Variants in USP50 observed in about 807,000 individuals in gnomAD.
USP50 encodes the protein ubiquitin specific peptidase 50.
In USP50, 37 loss-of-function variants were observed where a neutral mutation model predicts 39.2. The observed-to-expected ratio is 0.94, with a 90% confidence interval of 0.73 to 1.24. USP50 has a LOEUF of 1.24. Among genes scored for constraint, USP50 ranks in the 50% most tolerant of loss-of-function variants. USP50 has a pLI of 0.00. For missense variants in USP50, 374 were observed against 398.2 expected, an observed-to-expected ratio of 0.94 and a Z score of 0.52; for synonymous variants, 139 against 144.5, an observed-to-expected ratio of 0.96 and a Z score of 0.27.
chr15:50,536,810 G>C (rs1275853534), intron 5 of USP50, among the ~76,000 whole-genome samples: 1 of 152,102 alleles, frequency 6.6e-6, no homozygotes, highest in Non-Finnish European at 1.5e-5. Context: ...AACCTAAATA[G>C]AGAGATATAT....
intron 6 of USP50, among the ~76,000 whole-genome samples, chr15:50,526,665 A>G (rs2052900786): frequency 1.3e-5 from 2 of 152,354 alleles, no homozygotes; most frequent in Middle Eastern, 3.4e-3. Flanking sequence ...GGAAGACACT[A>G]CAAGGAGGCA....
In USP50 at chr15:50,543,705, A is replaced by G. The variant is rs571475266; in HGVS notation, c.337T>C (p.Trp113Arg). Residue 113 changes from tryptophan to arginine, a missense_variant, in exon 3 of 7, where the codon TGG becomes CGG. Coordinates refer to ENST00000532404, the MANE Select transcript of USP50 (RefSeq NM_203494.5). ...DSDCVSPEIF[W>R]SALGNLYPAF... Reference sequence around the variant, plus strand: ...GGGTAGAGGTTGCCAAGAGCTGACCAGAATATTTCTGGTGAGACACAGTCT... The same window carrying G: ...GGGTAGAGGTTGCCAAGAGCTGACCGGAATATTTCTGGTGAGACACAGTCT... 2.3e-5 allele frequency: 37 copies of G among 1,612,528 alleles called. No homozygotes were observed. The highest frequency in any genetic ancestry group is 1.7e-6 in the Non-Finnish European group (2 of 1,179,202).
chr15:50,497,090 A>T, downstream of USP50: 1 of 1,588,114 alleles, frequency 6.3e-7, no homozygotes, highest in Admixed American at 1.9e-5. Context: ...TTCTGCCAGG[A>T]TTGCCTTAGA....
In USP50 at chr15:50,525,622, G is replaced by A. The variant is rs71394996; in HGVS notation, c.936+4175C>T. On this transcript the variant is annotated intron_variant, in intron 6 of 6. Transcript: ENST00000532404. Reference sequence around the variant, plus strand: ...TATGTATATGTATATATGTATATATGTATATGTATATATGTATATGTGTAT... The same window carrying A: ...TATGTATATGTATATATGTATATATATATATGTATATATGTATATGTGTAT... 7.7e-5 allele frequency among the ~76,000 whole-genome samples: 10 copies of A among 130,464 alleles called. No homozygotes were observed. In the East Asian group the frequency reaches 8.3e-4, roughly 11 times the overall value. 85.6% of individuals were successfully genotyped at this position (130,464 alleles called of 152,430 possible).
At chr15:50,532,248 A>G (rs1244256238) in intron 5 of USP50, 2 of 456,132 alleles carry the variant, frequency 4.4e-6, no homozygotes, top group Non-Finnish European at 8.8e-6. Flanking sequence ...GAAGGGAAAG[A>G]AACCATTCTG....
At chr15:50,503,357 G>T (rs898163258) in intron 6 of USP50, 4 of 152,272 alleles carry the variant, frequency 2.6e-5, no homozygotes, top group Non-Finnish European at 5.9e-5. Flanking sequence ...CAACAGTATG[G>T]TGTGTGGTTT....
chr15:50,546,573 T>C lies in USP50; in HGVS notation c.-48A>G, dbSNP rs1484346101. Reference sequence around the variant, plus strand: ...TTTGCTTCTATTCAGGAGCTACATCTATTCCTTTCAACTTCATTTCTCTGA... The same window carrying C: ...TTTGCTTCTATTCAGGAGCTACATCCATTCCTTTCAACTTCATTTCTCTGA... On this transcript the variant is annotated 5_prime_UTR_variant, in exon 1 of 7. The change creates a new upstream start codon in the 5' untranslated region. Coordinates refer to ENST00000532404, the MANE Select transcript of USP50 (RefSeq NM_203494.5). The C allele has an allele frequency of 6.2e-7, 1 of 1,602,246 alleles. No homozygotes were observed. Among genetic ancestry groups the C allele is most frequent in the Non-Finnish European group, 8.6e-7 (1 of 1,169,538 alleles).
At chr15:50,511,090 T>C (rs1256181895) in intron 6 of USP50, 2 of 152,228 alleles carry the variant, frequency 1.3e-5, no homozygotes, top group African/African-American at 2.4e-5. Flanking sequence ...TGTACACCAA[T>C]GTTCTCTGTA....
chr15:50,513,016 C>G (rs1358936388), intron 6 of USP50: 1 of 152,004 alleles, frequency 6.6e-6, no homozygotes, highest in African/African-American at 2.4e-5. Context: ...AGAAAAATAA[C>G]CCAGTTTGTA....
chr15:50,496,412 C>T (rs556632609), downstream of USP50, among the ~76,000 whole-genome samples: 15 of 144,688 alleles, frequency 1.0e-4, no homozygotes, highest in Admixed American at 6.5e-4. Flanking sequence ...ACCCTGGAGG[C>T]GGAGTTTACA....
At chr15:50,538,610 TG>T in intron 5 of USP50, 98 bp downstream of exon 5, 1 of 1,240,668 alleles carries the variant, frequency 8.1e-7, no homozygotes, top group Non-Finnish European at 1.1e-6. Flanking sequence ...CAAATATCAT[TG>T]AATTGTATAC....
intron 6 of USP50, among the ~76,000 whole-genome samples, chr15:50,514,600 C>T (rs1002472168): frequency 1.4e-4 from 21 of 152,078 alleles, no homozygotes; most frequent in African/African-American, 3.6e-4. Context: ...GGCGCGATCT[C>T]GGCTCACTGC....
At chr15:50,493,999 A>G (rs1023288006), downstream of USP50, 5 of 1,533,398 alleles carry the variant, frequency 3.3e-6, 1 homozygote, top group African/African-American at 6.9e-5. Flanking sequence ...GTTGACATCA[A>G]GAATCTACTG....
chr15:50,528,961 A>G (rs2052919045), intron 6 of USP50, among the ~76,000 whole-genome samples: 1 of 152,150 alleles, frequency 6.6e-6, no homozygotes, highest in South Asian at 2.1e-4. Flanking sequence ...GATCGTTAAC[A>G]CCGTGATCCA....
At position 50,546,553 on chromosome 15, in the gene USP50, T is replaced by C; in HGVS notation, c.-28A>G. ...TAATGGAACCACGTTGGACTTTTGCTTCTATTCAGGAGCTACATCTATTCC... is the reference window on the plus strand; with the variant it reads ...TAATGGAACCACGTTGGACTTTTGCCTCTATTCAGGAGCTACATCTATTCC... On this transcript the variant is annotated 5_prime_UTR_variant, in exon 1 of 7. Coordinates refer to ENST00000532404, the MANE Select transcript of USP50 (RefSeq NM_203494.5). 1 of 1,612,866 alleles carries C rather than the reference T, an allele frequency of 6.2e-7. No individual in the cohort carries two copies. The highest frequency in any genetic ancestry group is 1.1e-5 in the South Asian group (1 of 91,064).
chr15:50,524,947 T>C (rs1256946832), intron 6 of USP50, among the ~76,000 whole-genome samples: 1 of 151,850 alleles, frequency 6.6e-6, no homozygotes, highest in Non-Finnish European at 1.5e-5. Context: ...TCCAAAGGAA[T>C]GGAAATCAAT....
Position 50,500,771 on chromosome 15 carries a change from A to C in USP50, c.1003T>G (p.Ter335GlyextTer38). The C allele has an allele frequency of 6.3e-7, 1 of 1,586,764 alleles. No homozygotes were observed. The highest frequency in any genetic ancestry group is 8.6e-7 in the Non-Finnish European group (1 of 1,165,740). The change falls in exon 7 of 7, where the codon TGA becomes GGA. Residue 335 changes from the stop codon to glycine, a stop_lost. Coordinates refer to ENST00000532404, the MANE Select transcript of USP50 (RefSeq NM_203494.5). ...ACTCGTGTGTTATCAAAGCTATATCAGGCCTGGGTGACTGAATTCTTGCAG... is the reference window on the plus strand; with the variant it reads ...ACTCGTGTGTTATCAAAGCTATATCCGGCCTGGGTGACTGAATTCTTGCAG... Reference protein sequence around the residue: ...AFCKNSVTQA* With the variant: ...AFCKNSVTQAG
chr15:50,539,184 A>T (rs2053009158), intron 4 of USP50, among the ~76,000 whole-genome samples: 1 of 145,482 alleles, frequency 6.9e-6, no homozygotes, highest in African/African-American at 2.6e-5. Flanking sequence ...ATCTCGGCTC[A>T]CTGCAACCTC....
intron 6 of USP50, among the ~76,000 whole-genome samples, chr15:50,528,052 C>T (rs2052912081): frequency 7.3e-6 from 1 of 136,788 alleles, no homozygotes; most frequent in Non-Finnish European, 1.5e-5. Context: ...AGTTTGATTA[C>T]TAAAAGAACT....
Sources: allele counts gnomAD v4.1 joint callset (sites outside exome capture counted in the v4.1 genomes callset), GRCh38; gene constraint gnomAD v4.1.1; transcripts MANE v1.5; gene names NCBI Gene and HGNC (gene_info 2026-07-23, HGNC 2026-07-21).